The following KCND2 variants were observed in gnomAD, a reference collection of about 807,000 sequenced individuals.
KCND2 encodes A-type voltage-gated potassium channel KCND2.
Under a neutral mutation model 54.4 loss-of-function variants are expected in KCND2, and 16 were observed. The observed-to-expected ratio is 0.29, with a 90% CI of 0.20 to 0.45. KCND2 has a LOEUF of 0.45. Ranked by LOEUF, KCND2 falls within the 20% of genes least tolerant of loss-of-function variation. The probability of loss-of-function intolerance (pLI) is 1.00; values close to 1 mark genes in which losing one functional copy is unlikely to be tolerated. For synonymous variants in KCND2, 317 were observed against 310.7 expected (o/e 1.02, Z -0.21); for missense variants, 486 against 824.2 (o/e 0.59, Z 5.02).
Position 120,638,360 on chromosome 7 carries a change from T to C in KCND2, c.1116-94543T>C, listed in dbSNP as rs1038997923. 2.6e-5 allele frequency among the ~76,000 whole-genome samples: 4 copies of C among 152,268 alleles called. No individual in the cohort carries two copies. In the East Asian group the frequency reaches 7.7e-4, roughly 29 times the overall value. The stretch of plus-strand genomic sequence containing the variant: ...AAGCCAACTGAGGGATGGACAAGTT[T>C]GATGTCAGAAGTTTAAAACAAACTG... On this transcript the variant is annotated intron_variant, in intron 1 of 5. Transcript: ENST00000331113.
At chr7:120,729,762 T>C (rs1481290621) in intron 1 of KCND2, among the ~76,000 whole-genome samples, 1 of 152,216 alleles carries the variant, frequency 6.6e-6, no homozygotes, top group African/African-American at 2.4e-5. Flanking sequence ...CTCACCTGTG[T>C]TTTCTCAGTT....
intron 1 of KCND2, among the ~76,000 whole-genome samples, chr7:120,333,667 TA>T (rs570661953): frequency 2.0e-5 from 3 of 152,146 alleles, no homozygotes; most frequent in Non-Finnish European, 4.4e-5. Context: ...TTTGACACTC[TA>T]AAATTTATTG....
At chr7:120,703,604 A>G (rs994566964) in intron 1 of KCND2, among the ~76,000 whole-genome samples, 2 of 152,204 alleles carry the variant, frequency 1.3e-5, no homozygotes, top group Non-Finnish European at 2.9e-5. Flanking sequence ...ATTACACAGC[A>G]CTAGAACCTG....
At chr7:120,359,331 T>G (rs535061815) in intron 1 of KCND2, among the ~76,000 whole-genome samples, 2 of 152,134 alleles carry the variant, frequency 1.3e-5, no homozygotes, top group African/African-American at 4.8e-5. Context: ...GGAAGGAAAT[T>G]GTTATAAATT....
At chr7:120,429,506 T>C (rs1331250822) in intron 1 of KCND2, among the ~76,000 whole-genome samples, 1 of 67,758 alleles carries the variant, frequency 1.5e-5, no homozygotes, top group Non-Finnish European at 3.0e-5. Context: ...GGAGGAGGAG[T>C]GGGGCAGGGA....
intron 1 of KCND2, among the ~76,000 whole-genome samples, chr7:120,338,693 A>G (rs1005038092): frequency 1.3e-5 from 2 of 152,154 alleles, no homozygotes; most frequent in Admixed American, 6.5e-5. Context: ...ACATTTATAG[A>G]CATTTGATAT....
chr7:120,740,857 C>T (rs202106357), intron 2 of KCND2: 102 of 456,006 alleles, frequency 2.2e-4, no homozygotes, highest in African/African-American at 1.5e-3. Context: ...TACAGTCGTG[C>T]GGACCCGTGC....
At chr7:120,608,017 T>A (rs75588735) in intron 1 of KCND2, among the ~76,000 whole-genome samples, 1 of 1,960 alleles carries the variant, frequency 5.1e-4, no homozygotes, top group Non-Finnish European at 3.3e-3. Context: ...AATGTGACTG[T>A]TTTTTTTTTT....
At chr7:120,667,202 A>G (rs1369024178) in intron 1 of KCND2, among the ~76,000 whole-genome samples, 2 of 152,074 alleles carry the variant, frequency 1.3e-5, no homozygotes, top group African/African-American at 4.8e-5. Flanking sequence ...TTTTAAATGT[A>G]TAATGAAAAC....
At chr7:120,524,977 C>A (rs1421534799) in intron 1 of KCND2, among the ~76,000 whole-genome samples, 1 of 152,132 alleles carries the variant, frequency 6.6e-6, no homozygotes, top group African/African-American at 2.4e-5. Context: ...ACTTATAGAT[C>A]TCTATTTATT....
At chr7:120,478,824 A>G (rs1195668344) in intron 1 of KCND2, among the ~76,000 whole-genome samples, 5 of 152,144 alleles carry the variant, frequency 3.3e-5, no homozygotes, top group Non-Finnish European at 7.4e-5. Flanking sequence ...GAAAATAACC[A>G]TCCTGAAGAT....
intron 1 of KCND2, among the ~76,000 whole-genome samples, chr7:120,684,913 A>G (rs1792182341): frequency 6.6e-6 from 1 of 152,208 alleles, no homozygotes; most frequent in Non-Finnish European, 1.5e-5. Flanking sequence ...ACTCCCAGAT[A>G]GGACCATCTA....
chr7:120,354,568 A>C (rs2116390193), intron 1 of KCND2, among the ~76,000 whole-genome samples: 1 of 152,342 alleles, frequency 6.6e-6, no homozygotes, highest in South Asian at 2.1e-4. Context: ...CTGTCAAAGA[A>C]GACTATCCAC....
chr7:120,282,256 T>C (rs1343789822), intron 1 of KCND2, among the ~76,000 whole-genome samples: 1 of 152,188 alleles, frequency 6.6e-6, no homozygotes, highest in East Asian at 1.9e-4. Context: ...AAAGGTGTTC[T>C]CTCTTACCAG....
chr7:120,695,616 GA>G (rs1173416371), intron 1 of KCND2, among the ~76,000 whole-genome samples: 1 of 152,138 alleles, frequency 6.6e-6, no homozygotes, highest in African/African-American at 2.4e-5. Context: ...AGAAAAGGAA[GA>G]AATAGCAAAT....
intron 1 of KCND2, among the ~76,000 whole-genome samples, chr7:120,641,538 C>T (rs575971927): frequency 1.3e-5 from 2 of 152,244 alleles, no homozygotes; most frequent in South Asian, 4.1e-4. Flanking sequence ...AATTGGACTT[C>T]CACCTGGGCT....
intron 1 of KCND2, among the ~76,000 whole-genome samples, chr7:120,473,387 T>C (rs1802488171): frequency 6.6e-6 from 1 of 152,070 alleles, no homozygotes; most frequent in South Asian, 2.1e-4. Flanking sequence ...TTCGGTCCGG[T>C]TTTGTGTCTC....
intron 1 of KCND2, among the ~76,000 whole-genome samples, chr7:120,437,407 G>A (rs1413228529): frequency 6.6e-6 from 1 of 151,792 alleles, no homozygotes; most frequent in East Asian, 1.9e-4. Context: ...TCACCATGTT[G>A]GCCAGGCTGC....
At chr7:120,671,746 C>G (rs1014230173) in intron 1 of KCND2, among the ~76,000 whole-genome samples, 14 of 152,096 alleles carry the variant, frequency 9.2e-5, no homozygotes. Context: ...TGCACCCTTT[C>G]AACCACTGTT....
Sources: gnomAD v4.1 joint callset for allele counts (sites outside exome capture counted in the v4.1 genomes callset) on GRCh38, gnomAD v4.1.1 for gene constraint, MANE v1.5 for transcripts, NCBI Gene and HGNC (gene_info 2026-07-23, HGNC 2026-07-21) for gene names.